Variants in FAF1 observed in about 807,000 individuals in gnomAD.
FAF1 encodes FAS-associated factor 1.
A neutral mutation model predicts 92.5 loss-of-function variants in FAF1; 25 were observed. The observed-to-expected ratio is 0.27, with a 90% CI of 0.20 to 0.38. The LOEUF (loss-of-function observed/expected upper bound fraction) is 0.38. Ranked by LOEUF, FAF1 falls within the 10% of genes least tolerant of loss-of-function variation. The pLI, the probability that FAF1 is intolerant of heterozygous loss-of-function variation, is 1.00. For synonymous variants in FAF1, 234 were observed against 273.2 expected (o/e 0.86, Z 1.42); for missense variants, 636 against 793.3 (o/e 0.80, Z 2.38).
chr1:50,775,454 T>C (rs561189819), intron 4 of FAF1, among the ~76,000 whole-genome samples: 2 of 152,208 alleles, frequency 1.3e-5, no homozygotes, highest in East Asian at 1.9e-4. Flanking sequence ...TAGCGGATGA[T>C]TCAACTTAAC....
rs770731009 is a variant in FAF1 at position 50,933,809 on chromosome 1, T to C, written c.45+25958A>G. 5.9e-5 allele frequency among the ~76,000 whole-genome samples: 9 copies of C among 152,174 alleles called. No individual in the cohort carries two copies. In the South Asian group the frequency reaches 1.2e-3, roughly 21 times the overall value. ...CATGGCTGGGGAGACCTCAGAATCA[T>C]TGAGAATCATGACAGAAGTTTTACA... On this transcript the variant is annotated intron_variant, in intron 1 of 18. Transcript: ENST00000396153.
intron 7 of FAF1, among the ~76,000 whole-genome samples, chr1:50,661,129 G>T (rs1207729122): frequency 6.6e-6 from 1 of 152,052 alleles, no homozygotes; most frequent in Non-Finnish European, 1.5e-5. Context: ...AAGCATTTTA[G>T]TACTTTTTTT....
At chr1:50,535,627 G>A (rs546902399) in intron 14 of FAF1, among the ~76,000 whole-genome samples, 170 bp from the exon 15 acceptor site, 23 of 152,276 alleles carry the variant, frequency 1.5e-4, no homozygotes, top group African/African-American at 4.8e-4. Flanking sequence ...TGTTTCATAT[G>A]TTCAATAAGA....
chr1:50,588,819 C>T (rs556545153), intron 9 of FAF1, among the ~76,000 whole-genome samples: 1 of 152,352 alleles, frequency 6.6e-6, no homozygotes, highest in African/African-American at 2.4e-5. Context: ...GTGAAATGCA[C>T]ATCCTCTGGT....
chr1:50,460,086 A>C (rs945745076), intron 18 of FAF1, among the ~76,000 whole-genome samples: 5 of 152,252 alleles, frequency 3.3e-5, no homozygotes, highest in Non-Finnish European at 7.3e-5. Context: ...TGTATTGTGC[A>C]TAACAGGTGC....
chr1:50,582,765 A>G (rs1651049417), intron 11 of FAF1, 66 bp from the exon 12 acceptor site: 1 of 997,404 alleles, frequency 1.0e-6, no homozygotes, highest in African/African-American at 1.6e-5. Flanking sequence ...TCACAAGTCT[A>G]ATCAATGACT....
At chr1:50,635,113 T>C (rs1414184550) in intron 8 of FAF1, among the ~76,000 whole-genome samples, 3 of 152,198 alleles carry the variant, frequency 2.0e-5, no homozygotes, top group South Asian at 2.1e-4. Flanking sequence ...AGAGTACTAC[T>C]GCTATTTCCT....
chr1:50,554,307 G>A (rs1649448093), intron 13 of FAF1, among the ~76,000 whole-genome samples: 1 of 150,140 alleles, frequency 6.7e-6, no homozygotes, highest in Non-Finnish European at 1.5e-5. Context: ...TTCCTCACAT[G>A]TGAAATGGGA....
chr1:50,711,463 CTTTTTTTTTTT>C (rs1160668174), intron 6 of FAF1, among the ~76,000 whole-genome samples: 4 of 81,976 alleles, frequency 4.9e-5, no homozygotes, highest in African/African-American at 2.1e-4. Flanking sequence ...TCCACACTGA[CTTTTTTTTTTT>C]TTTTTTTTTT....
At chr1:50,534,771 GGTAAGTATTGAACACTAT>G (rs1262520994) in intron 15 of FAF1, among the ~76,000 whole-genome samples, 1 of 152,104 alleles carries the variant, frequency 6.6e-6, no homozygotes, top group Non-Finnish European at 1.5e-5. Context: ...ATAAATACTA[GGTAAGTATTGAACACTAT>G]TGTCATCGAT....
At chr1:50,921,853 T>A (rs1252988603) in intron 1 of FAF1, among the ~76,000 whole-genome samples, 1 of 151,836 alleles carries the variant, frequency 6.6e-6, no homozygotes, top group Non-Finnish European at 1.5e-5. Context: ...AGAAGAGGAC[T>A]CAAATGTAAC....
intron 4 of FAF1, among the ~76,000 whole-genome samples, chr1:50,759,207 A>T (rs1051225805): frequency 3.3e-5 from 5 of 151,834 alleles, no homozygotes; most frequent in African/African-American, 9.7e-5. Flanking sequence ...TGTGCAGGTT[A>T]GTTACATATG....
intron 4 of FAF1, among the ~76,000 whole-genome samples, chr1:50,759,220 T>C (rs1660213861): frequency 6.6e-6 from 1 of 151,882 alleles, no homozygotes; most frequent in Admixed American, 6.6e-5. Flanking sequence ...TACATATGTA[T>C]ACATGTGCCA....
intron 6 of FAF1, 40 bp downstream of exon 6, chr1:50,738,823 G>A (rs1659244500): frequency 7.5e-7 from 1 of 1,337,892 alleles, no homozygotes; most frequent in African/African-American, 1.5e-5. Context: ...TAACAACTGA[G>A]TTTTTCATTT....
At chr1:50,861,424 C>T (rs1570065721) in intron 1 of FAF1, among the ~76,000 whole-genome samples, 2 of 151,728 alleles carry the variant, frequency 1.3e-5, no homozygotes, top group South Asian at 4.1e-4. Flanking sequence ...AATCTGGAGG[C>T]CATTATCCTT....
At chr1:50,497,710 G>A (rs553319574) in intron 15 of FAF1, among the ~76,000 whole-genome samples, 1 of 151,608 alleles carries the variant, frequency 6.6e-6, no homozygotes, top group Non-Finnish European at 1.5e-5. Flanking sequence ...CACCATGCCC[G>A]GCTAATATTT....
At chr1:50,485,033 A>C (rs1646747405) in intron 17 of FAF1, among the ~76,000 whole-genome samples, 2 of 151,932 alleles carry the variant, frequency 1.3e-5, no homozygotes, top group African/African-American at 4.8e-5. Flanking sequence ...GCAGCACACC[A>C]ACATGGCACA....
At chr1:50,631,460 C>A (rs921645053) in intron 8 of FAF1, among the ~76,000 whole-genome samples, 1 of 152,100 alleles carries the variant, frequency 6.6e-6, no homozygotes, top group African/African-American at 2.4e-5. Flanking sequence ...GTCAAGGTAT[C>A]ACAGTGCTTG....
At chr1:50,621,401 T>TTTTC (rs1266939593) in intron 8 of FAF1, among the ~76,000 whole-genome samples, 2 of 126,196 alleles carry the variant, frequency 1.6e-5, no homozygotes, top group African/African-American at 6.7e-5. Context: ...CTTTTTTTTT[T>TTTTC]TTTTTTTTTT....
Sources: gnomAD v4.1 joint callset for allele counts (sites outside exome capture counted in the v4.1 genomes callset) on GRCh38, gnomAD v4.1.1 for gene constraint, MANE v1.5 for transcripts, NCBI Gene and HGNC (gene_info 2026-07-23, HGNC 2026-07-21) for gene names.